The following MN1 variants were observed in gnomAD, a reference collection of about 807,000 sequenced individuals.
MN1 encodes the protein MN1 proto-oncogene, transcriptional regulator.
Under a neutral mutation model 86.9 loss-of-function variants are expected in MN1, and 19 were observed. That is an observed-to-expected ratio of 0.22 (90% confidence interval 0.15 to 0.32). The LOEUF is 0.32. Among genes scored for constraint, MN1 ranks in the 10% least tolerant of loss-of-function variants. MN1 has a pLI of 1.00. For synonymous variants in MN1, 928 were observed against 849.6 expected, an observed-to-expected ratio of 1.09 and a Z score of -1.60; for missense variants, 1,841 against 1,862.0, an observed-to-expected ratio of 0.99 and a Z score of 0.21.
chr22:27,777,555 GAGA>G lies in MN1; in HGVS notation c.3781+19205_3781+19207del, dbSNP rs1568976555. Among the ~76,000 whole-genome samples, 5 of 143,716 alleles carry G rather than the reference GAGA, an allele frequency of 3.5e-5. No individual in the cohort carries two copies. The East Asian group carries it at 1.1e-3, about 31-fold the overall frequency. The allele number at this position is 143,716 out of a possible 152,430, so 94.3% of individuals were successfully genotyped here. On this transcript the variant is annotated intron_variant, in intron 1 of 1. Transcript: ENST00000302326. The stretch of plus-strand genomic sequence containing the variant: ...TTCTAAAAAAAAAAAAAAAGAGAGA[GAGA>G]AAAAAAAAATAAAAGTCCAGCCCAG...
chr22:27,772,900 G>C (rs914483980), intron 1 of MN1, among the ~76,000 whole-genome samples: 1 of 151,220 alleles, frequency 6.6e-6, no homozygotes, highest in African/African-American at 2.4e-5. Flanking sequence ...AAGCAGTGTG[G>C]CTGGCAGCTG....
In MN1 at chr22:27,800,297, G is replaced by GC; in HGVS notation, c.246dup (p.Leu83AlafsTer72). The GC allele has an allele frequency of 6.3e-7, 1 of 1,576,096 alleles. No individual in the cohort carries two copies. Among genetic ancestry groups the GC allele is most frequent in the Non-Finnish European group, 8.6e-7 (1 of 1,161,370 alleles). ...AAGCCGTGCACAGGCTGCGCTTGCA[G>GC]CCCCCCTGCGTGCAACTCCGAGTGG... On this transcript the variant is annotated frameshift_variant, in exon 1 of 2. Coordinates refer to ENST00000302326, the MANE Select transcript of MN1 (RefSeq NM_002430.3). LOFTEE classifies it high-confidence loss of function.
At chr22:27,779,562 C>G (rs772388427) in intron 1 of MN1, among the ~76,000 whole-genome samples, 11 of 152,208 alleles carry the variant, frequency 7.2e-5, no homozygotes, top group Non-Finnish European at 1.3e-4. Flanking sequence ...TAAGCACGGG[C>G]TCAGAAAGGC....
chr22:27,778,285 C>T (rs905630132), intron 1 of MN1, among the ~76,000 whole-genome samples: 1 of 152,180 alleles, frequency 6.6e-6, no homozygotes, highest in African/African-American at 2.4e-5. Context: ...CACTGGTTGG[C>T]GTTGTAACAC....
At chr22:27,790,682 G>A (rs1933198838) in intron 1 of MN1, among the ~76,000 whole-genome samples, 1 of 150,294 alleles carries the variant, frequency 6.7e-6, no homozygotes, top group Non-Finnish European at 1.5e-5. Flanking sequence ...ACTGGTGGGG[G>A]TAGGTGGGGG....
chr22:27,771,609 T>C (rs1932917331), intron 1 of MN1, among the ~76,000 whole-genome samples: 1 of 152,192 alleles, frequency 6.6e-6, no homozygotes, highest in African/African-American at 2.4e-5. Context: ...CAAATTTCAG[T>C]GTCCATAAAT....
intron 1 of MN1, among the ~76,000 whole-genome samples, chr22:27,771,401 A>G (rs1482619209): frequency 6.6e-6 from 1 of 151,348 alleles, no homozygotes; most frequent in Non-Finnish European, 1.5e-5. Context: ...CTAATTTTTT[A>G]TAGAGGTTGG....
chr22:27,776,294 G>A (rs929926422), intron 1 of MN1, among the ~76,000 whole-genome samples: 4 of 152,140 alleles, frequency 2.6e-5, no homozygotes, highest in African/African-American at 4.8e-5. Flanking sequence ...ATCCCGTCTC[G>A]AGGACGCGCT....
intron 1 of MN1, among the ~76,000 whole-genome samples, chr22:27,785,754 C>G (rs566236296): frequency 4.3e-5 from 4 of 92,424 alleles, no homozygotes; most frequent in Admixed American, 2.3e-4. Context: ...GTGCCCCCCC[C>G]CCATGGCCCC....
At chr22:27,759,640 T>C (rs946374634) in intron 1 of MN1, among the ~76,000 whole-genome samples, 2 of 152,162 alleles carry the variant, frequency 1.3e-5, no homozygotes, top group Non-Finnish European at 2.9e-5. Context: ...TAGAAGGGGA[T>C]AACAATCCCT....
chr22:27,762,473 T>C (rs1011455580), intron 1 of MN1, among the ~76,000 whole-genome samples: 1 of 152,132 alleles, frequency 6.6e-6, no homozygotes, highest in African/African-American at 2.4e-5. Context: ...AATATAATAA[T>C]AGTATTTGCT....
chr22:27,770,837 T>A (rs1256228927), intron 1 of MN1, among the ~76,000 whole-genome samples: 1 of 151,662 alleles, frequency 6.6e-6, no homozygotes, highest in Admixed American at 6.6e-5. Flanking sequence ...TTTTTTTTTT[T>A]AAGTAGAGAT....
chr22:27,756,047 C>T (rs1932800136), intron 1 of MN1, among the ~76,000 whole-genome samples: 1 of 152,220 alleles, frequency 6.6e-6, no homozygotes, highest in Non-Finnish European at 1.5e-5. Flanking sequence ...GTGGGGCGCT[C>T]CTGCCAACGC....
chr22:27,759,362 G>A (rs1424601587), intron 1 of MN1, among the ~76,000 whole-genome samples: 2 of 152,182 alleles, frequency 1.3e-5, no homozygotes, highest in African/African-American at 4.8e-5. Flanking sequence ...CTGGGCTCAG[G>A]GGCAGGAACA....
At chr22:27,781,203 T>C (rs564441964) in intron 1 of MN1, among the ~76,000 whole-genome samples, 4 of 152,324 alleles carry the variant, frequency 2.6e-5, no homozygotes, top group African/African-American at 4.8e-5. Flanking sequence ...AGTGCTGGGA[T>C]TACAAGCATG....
At chr22:27,751,965 CTT>C (rs1395987573) in intron 1 of MN1, among the ~76,000 whole-genome samples, 54 of 152,242 alleles carry the variant, frequency 3.5e-4, no homozygotes, top group Non-Finnish European at 4.4e-5. Context: ...ATAGAGGTGG[CTT>C]TGAGAGTGGG....
In MN1 at chr22:27,801,724, T is replaced by C. The variant is rs2146319827; in HGVS notation, c.-1181A>G. 6.6e-6 allele frequency among the ~76,000 whole-genome samples: 1 copy of C among 152,328 alleles called. No homozygotes were observed. The highest frequency in any genetic ancestry group is 2.1e-4 in the South Asian group (1 of 4,824). On this transcript the variant is annotated 5_prime_UTR_variant, in exon 1 of 2. Transcript: ENST00000302326. ...GGGTCTCGGCTCCCCTCTCTGTGTC[T>C]GCCTCTCGCCCAGCGCCGGGAGAAG... is the stretch of plus-strand genomic sequence containing the variant.
Position 27,778,702 on chromosome 22 carries a change from C to T in MN1, c.3781+18061G>A, listed in dbSNP as rs45587733. On this transcript the variant is annotated intron_variant, in intron 1 of 1. Transcript: ENST00000302326. ...CACAGGCCTGGCTTCCTGCACTGTC[C>T]TCCTCCCCGAGGTCTGGGACGTAAA... 7.1e-3 allele frequency among the ~76,000 whole-genome samples: 1,079 copies of T among 152,328 alleles called. 9 individuals carry two copies. Among genetic ancestry groups the T allele is most frequent in the African/African-American group, 0.025 (1,053 of 41,572 alleles).
At position 27,798,918 on chromosome 22, in the gene MN1, TTGC is replaced by T. The variant is rs1555883954; in HGVS notation, c.1623_1625del (p.Gln550del). 1.9e-6 allele frequency: 3 copies of T among 1,558,086 alleles called. No homozygotes were observed. In the African/African-American group the frequency reaches 4.1e-5, roughly 21 times the overall value. The stretch of plus-strand genomic sequence containing the variant: ...GCTGCTGCTGCTGCTGCTGTTGCTG[TTGC>T]TGTTGCTGCTGCTGCTGCTGCTGTT... On this transcript the variant is annotated inframe_deletion, in exon 1 of 2. Coordinates refer to ENST00000302326, the MANE Select transcript of MN1 (RefSeq NM_002430.3).
Sources: gnomAD v4.1 joint callset for allele counts (sites outside exome capture counted in the v4.1 genomes callset) on GRCh38, gnomAD v4.1.1 for gene constraint, MANE v1.5 for transcripts, NCBI Gene and HGNC (gene_info 2026-07-23, HGNC 2026-07-21) for gene names.